PTPRT: variants seen among roughly 807,000 people sequenced by gnomAD.
PTPRT encodes protein tyrosine phosphatase receptor type T.
A neutral mutation model predicts 176.8 loss-of-function variants in PTPRT; 56 were observed. The ratio of observed to expected loss-of-function variants is 0.32; its 90% CI spans 0.26 to 0.40. The LOEUF (loss-of-function observed/expected upper bound fraction) is 0.40. Ranked by LOEUF, PTPRT falls within the 10% of genes least tolerant of loss-of-function variation. The probability of loss-of-function intolerance (pLI) is 1.00; values close to 1 mark genes in which losing one functional copy is unlikely to be tolerated. For missense variants in PTPRT, 1,540 were observed against 1,908.2 expected, an observed-to-expected ratio of 0.81 and a Z score of 3.60; for synonymous variants, 783 against 739.0, an observed-to-expected ratio of 1.06 and a Z score of -0.96.
chr20:42,774,193 A>G (rs949914048), intron 4 of PTPRT, among the ~76,000 whole-genome samples: 5 of 152,228 alleles, frequency 3.3e-5, no homozygotes, highest in Non-Finnish European at 5.9e-5. Context: ...CAGCTGTAAA[A>G]CAAAACAAAA....
chr20:42,689,587 C>T (rs2075758999), intron 6 of PTPRT, among the ~76,000 whole-genome samples: 1 of 152,156 alleles, frequency 6.6e-6, no homozygotes, highest in African/African-American at 2.4e-5. Flanking sequence ...GAATAGTGGT[C>T]CCAAAAGATG....
chr20:42,263,128 G>A (rs919128758), intron 13 of PTPRT, among the ~76,000 whole-genome samples: 1 of 152,156 alleles, frequency 6.6e-6, no homozygotes, highest in Non-Finnish European at 1.5e-5. Context: ...GGCACTAGGT[G>A]GTAAATGGCC....
rs149301230 is a variant in PTPRT, at chr20:42,651,746, C to T, written c.1153+26120G>A. Among the ~76,000 whole-genome samples, 303 of 152,220 alleles carry T rather than the reference C, an allele frequency of 2.0e-3. 3 individuals carry two copies. Among genetic ancestry groups the T allele is most frequent in the African/African-American group, 7.0e-3 (292 of 41,550 alleles). On this transcript the variant is annotated intron_variant, in intron 7 of 30. Coordinates refer to ENST00000373187, the MANE Select transcript of PTPRT (RefSeq NM_007050.6). ...TCCTTCTCCAAGCTTCACCCTCATC[C>T]TTAAAAAAGGGATAATATGGCCAGG...
At chr20:43,079,548 G>A (rs1024873253) in intron 1 of PTPRT, among the ~76,000 whole-genome samples, 9 of 152,002 alleles carry the variant, frequency 5.9e-5, no homozygotes, top group African/African-American at 2.2e-4. Context: ...ATATCTCTCT[G>A]CCTTCTTTCA....
chr20:42,829,895 C>A (rs1481616554), intron 2 of PTPRT, among the ~76,000 whole-genome samples: 1 of 152,100 alleles, frequency 6.6e-6, no homozygotes, highest in Non-Finnish European at 1.5e-5. Context: ...AAGACTGAAC[C>A]AGGAAGAAGT....
chr20:43,040,853 CCCTGCTT>C (rs1986576730), intron 1 of PTPRT, among the ~76,000 whole-genome samples: 1 of 152,166 alleles, frequency 6.6e-6, no homozygotes, highest in South Asian at 2.1e-4. Flanking sequence ...AGTGGGAATT[CCCTGCTT>C]CCTGCTTCCA....
At chr20:42,727,104 G>T (rs146545792) in intron 6 of PTPRT, among the ~76,000 whole-genome samples, 1 of 152,224 alleles carries the variant, frequency 6.6e-6, no homozygotes, top group East Asian at 1.9e-4. Context: ...TTTGAAGACT[G>T]CCCTGCTGCT....
chr20:42,648,196 T>A (rs2074949288), intron 7 of PTPRT, among the ~76,000 whole-genome samples: 1 of 152,022 alleles, frequency 6.6e-6, no homozygotes, highest in African/African-American at 2.4e-5. Context: ...GACAAATGCA[T>A]CCAAGGAAAA....
At chr20:42,420,678 A>G (rs1435751614) in intron 9 of PTPRT, among the ~76,000 whole-genome samples, 1 of 152,024 alleles carries the variant, frequency 6.6e-6, no homozygotes, top group Non-Finnish European at 1.5e-5. Flanking sequence ...CCACCTTTTG[A>G]GGGGGATTCT....
At chr20:42,496,510 T>C (rs934777229) in intron 7 of PTPRT, among the ~76,000 whole-genome samples, 12 of 152,154 alleles carry the variant, frequency 7.9e-5, no homozygotes, top group Non-Finnish European at 1.8e-4. Flanking sequence ...TTTCCTCATC[T>C]TCTGGCACCA....
chr20:42,058,374 A>G, the PTPRT span, among the ~76,000 whole-genome samples: 3 of 152,196 alleles, frequency 2.0e-5, no homozygotes, highest in East Asian at 5.8e-4. Flanking sequence ...TCATCACACC[A>G]GTGCATGCAG....
At position 43,107,221 on chromosome 20, in the gene PTPRT, TAAGG is replaced by T. The variant is rs2012654362; in HGVS notation, c.88+82421_88+82424del. 2.0e-5 allele frequency among the ~76,000 whole-genome samples: 3 copies of T among 152,096 alleles called. No individual in the cohort carries two copies. In the South Asian group the frequency reaches 6.2e-4, roughly 32 times the overall value. ...CCCAAACCCTCCAAACAGAGTCAAATAAGGAAGAAAATAGTCTCGGATTGATATG... is the reference window on the plus strand; with the variant it reads ...CCCAAACCCTCCAAACAGAGTCAAATAAGAAAATAGTCTCGGATTGATATG... On this transcript the variant is annotated intron_variant, in intron 1 of 30. Transcript: ENST00000373187.
chr20:42,750,092 T>C (rs2076749078), intron 6 of PTPRT, among the ~76,000 whole-genome samples: 1 of 152,186 alleles, frequency 6.6e-6, no homozygotes, highest in South Asian at 2.1e-4. Context: ...AAACAATGGA[T>C]TGGATTGGAT....
At chr20:42,306,987 T>G (rs2145336036) in intron 12 of PTPRT, among the ~76,000 whole-genome samples, 1 of 152,318 alleles carries the variant, frequency 6.6e-6, no homozygotes, top group Non-Finnish European at 1.5e-5. Flanking sequence ...CAGCAGATGC[T>G]CAAGCAATTG....
At chr20:43,047,498 T>C (rs1393816030) in intron 1 of PTPRT, among the ~76,000 whole-genome samples, 1 of 152,094 alleles carries the variant, frequency 6.6e-6, no homozygotes, top group Admixed American at 6.5e-5. Flanking sequence ...ACATTCACTC[T>C]TGGGGGGCAG....
At chr20:42,592,972 C>T (rs1341978755) in intron 7 of PTPRT, among the ~76,000 whole-genome samples, 3 of 152,140 alleles carry the variant, frequency 2.0e-5, no homozygotes, top group Non-Finnish European at 4.4e-5. Context: ...AAGTTTCAAG[C>T]ATATGAAAAA....
intron 7 of PTPRT, among the ~76,000 whole-genome samples, chr20:42,594,641 T>C (rs907176612): frequency 2.0e-5 from 3 of 152,178 alleles, no homozygotes; most frequent in Admixed American, 2.0e-4. Context: ...GGTTCCACCT[T>C]TTCTCCAGAC....
chr20:43,084,166 C>T (rs1399190752), intron 1 of PTPRT, among the ~76,000 whole-genome samples: 1 of 152,152 alleles, frequency 6.6e-6, no homozygotes, highest in African/African-American at 2.4e-5. Context: ...TTATATTTAA[C>T]TCTTCTAAGT....
chr20:43,146,176 C>T, intron 1 of PTPRT, among the ~76,000 whole-genome samples: 1 of 152,266 alleles, frequency 6.6e-6, no homozygotes, highest in South Asian at 2.1e-4. Context: ...CTTGAGATTA[C>T]AACATAATCC....
Sources: allele counts gnomAD v4.1 joint callset (sites outside exome capture counted in the v4.1 genomes callset), GRCh38; gene constraint gnomAD v4.1.1; transcripts MANE v1.5; gene names NCBI Gene and HGNC (gene_info 2026-07-23, HGNC 2026-07-21).